TCF3: variants seen among roughly 807,000 people sequenced by gnomAD.
TCF3 encodes the protein transcription factor 3, also known as transcription factor E2-alpha.
In TCF3, 54 loss-of-function variants were observed where a neutral mutation model predicts 72.3. The ratio of observed to expected loss-of-function variants is 0.75; its 90% confidence interval spans 0.60 to 0.94. TCF3 has a LOEUF of 0.94. Ranked by LOEUF, TCF3 falls within the 40% of genes least tolerant of loss-of-function variation. The probability of loss-of-function intolerance (pLI) is 0.00; values close to 1 mark genes in which losing one functional copy is unlikely to be tolerated. For missense variants in TCF3, 1,078 were observed against 934.4 expected (o/e 1.15, Z -2.00); for synonymous variants, 525 against 412.6 (o/e 1.27, Z -3.30).
At chr19:1,622,615 A>G (rs2062386428) in intron 8 of TCF3, among the ~76,000 whole-genome samples, 200 bp from the exon 9 acceptor site, 1 of 149,524 alleles carries the variant, frequency 6.7e-6, no homozygotes, top group South Asian at 2.1e-4. Context: ...TCTCTCTCCT[A>G]CTCCTTTTCC....
chr19:1,632,258 A>G (rs1463635800), intron 4 of TCF3, 74 bp downstream of exon 4: 4 of 1,546,158 alleles, frequency 2.6e-6, no homozygotes, highest in South Asian at 1.2e-5. Flanking sequence ...TCTCAGCCTC[A>G]GTTTCCCCAC....
At chr19:1,627,237 G>A (rs572013346) in intron 6 of TCF3, 122 bp downstream of exon 6, 3 of 710,646 alleles carry the variant, frequency 4.2e-6, no homozygotes, top group Non-Finnish European at 6.5e-6. Context: ...GCCCAGCCTG[G>A]TTTCGCTATC....
At chr19:1,612,988 C>G (rs1464677520) in intron 18 of TCF3, among the ~76,000 whole-genome samples, 1 of 144,346 alleles carries the variant, frequency 6.9e-6, no homozygotes, top group Non-Finnish European at 1.5e-5. Flanking sequence ...ATGGCTGGTG[C>G]TGCTGTGGGC....
chr19:1,620,829 C>A (rs766930856), intron 13 of TCF3, 139 bp downstream of exon 13: 2 of 893,056 alleles, frequency 2.2e-6, no homozygotes, highest in Non-Finnish European at 3.1e-6. Context: ...GCTCCCTCCC[C>A]GCTGCCTGCC....
chr19:1,621,697 C>G, intron 11 of TCF3, 141 bp downstream of exon 11: 5 of 1,150,294 alleles, frequency 4.3e-6, no homozygotes, highest in Non-Finnish European at 4.8e-6. Flanking sequence ...AGACAGCGGA[C>G]AATGAGAACT....
At chr19:1,641,318 C>G (rs1336443400) in intron 3 of TCF3, among the ~76,000 whole-genome samples, 1 of 152,060 alleles carries the variant, frequency 6.6e-6, no homozygotes, top group Non-Finnish European at 1.5e-5. Flanking sequence ...ACACAAAATA[C>G]TCAAAGTGAA....
rs2066097274 is a variant in TCF3 at position 1,646,355 on chromosome 19, C to G, written c.145G>C (p.Gly49Arg). Residue 49 changes from glycine to arginine, a missense_variant and splice_region_variant, in exon 3 of 19, where the codon GGT becomes CGT. By Grantham distance (125) the Gly-to-Arg change is moderately radical (BLOSUM62 -2). Coordinates refer to ENST00000262965, the MANE Select transcript of TCF3 (RefSeq NM_003200.5). ...CGCTGGCAGGAAGGCGGGGTCCTAC[C>G]TGAACCTCCGAACTGCGCCCCGGCC... ...SLAGAQFGGS[G>R]LEDRPSSGSW... 3.2e-6 allele frequency: 5 copies of G among 1,550,428 alleles called. No individual in the cohort carries two copies. The highest frequency in any genetic ancestry group is 3.5e-6 in the Non-Finnish European group (4 of 1,146,662).
intron 1 of TCF3, chr19:1,650,675 GC>G (rs1367466081): frequency 1.7e-5 from 4 of 238,772 alleles, no homozygotes; most frequent in Non-Finnish European, 3.3e-5. Context: ...TTCCTCTGAG[GC>G]CCCCTACCCC....
chr19:1,638,444 G>A (rs541782357), intron 3 of TCF3, among the ~76,000 whole-genome samples: 10 of 152,208 alleles, frequency 6.6e-5, no homozygotes, highest in East Asian at 3.9e-4. Flanking sequence ...CACCGCGCCC[G>A]GCTAATTTTT....
chr19:1,619,595 C>A, intron 14 of TCF3, 121 bp from the exon 15 acceptor site: 2 of 1,412,518 alleles, frequency 1.4e-6, no homozygotes, highest in South Asian at 2.8e-5. Flanking sequence ...CAGGAAGCTG[C>A]ATATGCCAGG....
At position 1,623,997 on chromosome 19, in the gene TCF3, G is replaced by T; in HGVS notation, c.503C>A (p.Thr168Lys). Residue 168 changes from threonine (T) to lysine (K), a missense_variant, in exon 8 of 19, where the codon ACG (threonine) becomes AAG (lysine). Physicochemically the swap from Thr to Lys is moderately conservative, Grantham distance 78 (BLOSUM62 -1). Transcript: ENST00000262965. ...RRRAADGSLD[T>K]QPKKVRKVPP... ...GACCTTCCGGACCTTCTTGGGCTGC[G>T]TGTCTGTTAGAAGCAAAAGGGGTGA... 1 of 1,613,434 alleles carries T rather than the reference G, an allele frequency of 6.2e-7. No homozygotes were observed. The highest frequency in any genetic ancestry group is 8.5e-7 in the Non-Finnish European group (1 of 1,179,932).
chr19:1,612,288 T>C lies in TCF3; in HGVS notation c.1823-439A>G, dbSNP rs752741173. On this transcript the variant is annotated intron_variant, in intron 18 of 18. Transcript: ENST00000262965. The stretch of plus-strand genomic sequence containing the variant: ...AGCTTGGTCTGCGCTTTGTCCGACT[T>C]GAGGTGCATCTGGCACATGCGCCCC... 6.2e-7 allele frequency: 1 copy of C among 1,613,626 alleles called. No individual in the cohort carries two copies. Among genetic ancestry groups the C allele is most frequent in the Non-Finnish European group, 8.5e-7 (1 of 1,179,804 alleles).
rs1303390906 is a variant in TCF3 at position 1,621,951 on chromosome 19, G to A, written c.842C>T (p.Ala281Val). The A allele has an allele frequency of 6.2e-7, 1 of 1,606,276 alleles. No homozygotes were observed. Among genetic ancestry groups the A allele is most frequent in the Non-Finnish European group, 8.5e-7 (1 of 1,177,032 alleles). The part of the protein sequence containing the change: ...HERMGYQLHG[A>V]EVNGGLPSAS... Reference sequence around the variant, plus strand: ...AGATGGGAGCCCACCGTTCACCTCTGCTCCATGCAGCTGGTAGCCCTGGGG... The same window carrying A: ...AGATGGGAGCCCACCGTTCACCTCTACTCCATGCAGCTGGTAGCCCTGGGG... The change falls in exon 11 of 19, where the codon GCA becomes GTA. Residue 281 changes from alanine (A) to valine (V), a missense_variant. Physicochemically the swap from Ala to Val is moderately conservative, Grantham distance 64 (BLOSUM62 0). Transcript: ENST00000262965.
chr19:1,626,673 G>A (rs2062921785), intron 6 of TCF3, among the ~76,000 whole-genome samples: 1 of 152,180 alleles, frequency 6.6e-6, no homozygotes, highest in South Asian at 2.1e-4. Flanking sequence ...ATTCCTGTCT[G>A]TAAAATGGGC....
chr19:1,651,007 T>C (rs918107677), intron 1 of TCF3: 2 of 230,102 alleles, frequency 8.7e-6, no homozygotes, highest in African/African-American at 4.5e-5. Context: ...TCGCGATGTA[T>C]CCGGGAATTA....
chr19:1,634,554 A>G (rs941499268), intron 3 of TCF3, among the ~76,000 whole-genome samples: 1 of 152,196 alleles, frequency 6.6e-6, no homozygotes, highest in African/African-American at 2.4e-5. Context: ...GAGGATAACA[A>G]TGAAAGATGC....
intron 11 of TCF3, among the ~76,000 whole-genome samples, 159 bp downstream of exon 11, chr19:1,621,679 G>A (rs2062237624): frequency 6.6e-6 from 1 of 152,196 alleles, no homozygotes; most frequent in South Asian, 2.1e-4. Flanking sequence ...GCACGTGGCA[G>A]GCCCTGCAGA....
At chr19:1,623,526 G>A (rs1163504143) in intron 8 of TCF3, among the ~76,000 whole-genome samples, 2 of 151,992 alleles carry the variant, frequency 1.3e-5, no homozygotes, top group Non-Finnish European at 2.9e-5. Context: ...TGGGATTACA[G>A]GCACGCACCA....
intron 3 of TCF3, among the ~76,000 whole-genome samples, chr19:1,641,226 T>C (rs1470648968): frequency 1.3e-5 from 2 of 151,568 alleles, no homozygotes; most frequent in Admixed American, 6.6e-5. Flanking sequence ...AGCCAACAGC[T>C]TGGCTGGATC....
Sources: allele counts gnomAD v4.1 joint callset (sites outside exome capture counted in the v4.1 genomes callset), GRCh38; gene constraint gnomAD v4.1.1; transcripts MANE v1.5; gene names NCBI Gene and HGNC (gene_info 2026-07-23, HGNC 2026-07-21).